The following CHRM2 variants were observed in gnomAD, a reference collection of about 807,000 sequenced individuals.
CHRM2 encodes the protein muscarinic acetylcholine receptor M2.
Under a neutral mutation model 25.0 loss-of-function variants are expected in CHRM2, and 8 were observed. The observed-to-expected ratio is 0.32, with a 90% confidence interval of 0.19 to 0.58. The LOEUF (loss-of-function observed/expected upper bound fraction) is 0.58. CHRM2 is among the 20% of genes least tolerant of loss of function. The pLI is 0.88. For synonymous variants in CHRM2, 202 were observed against 205.7 expected (o/e 0.98, Z 0.15); for missense variants, 440 against 567.1 (o/e 0.78, Z 2.28).
intron 2 of CHRM2, among the ~76,000 whole-genome samples, chr7:136,897,212 C>G (rs571303817): frequency 6.6e-6 from 1 of 151,144 alleles, no homozygotes; most frequent in South Asian, 2.1e-4. Flanking sequence ...GTACAGGTGT[C>G]ATGAGAGGGA....
chr7:137,014,256 CTGGCT>C (rs1464580584), intron 3 of CHRM2, among the ~76,000 whole-genome samples: 6 of 151,852 alleles, frequency 4.0e-5, no homozygotes, highest in African/African-American at 7.2e-5. Context: ...GGAGAGTATA[CTGGCT>C]ATTAAGTATT....
At chr7:136,889,075 T>TAAAAAA (rs1796592246) in intron 2 of CHRM2, among the ~76,000 whole-genome samples, 2 of 126,294 alleles carry the variant, frequency 1.6e-5, no homozygotes, top group Non-Finnish European at 1.7e-5. Flanking sequence ...AAAAAAAAAG[T>TAAAAAA]AATTACCATT....
intron 2 of CHRM2, among the ~76,000 whole-genome samples, chr7:136,897,469 A>G (rs1796967080): frequency 6.6e-6 from 1 of 152,132 alleles, no homozygotes; most frequent in Non-Finnish European, 1.5e-5. Context: ...TTTGGAAGGT[A>G]AAAGTCCCTA....
In CHRM2 at chr7:136,944,473, A is replaced by ATG. The variant is rs3068417; in HGVS notation, c.-124-47700_-124-47699dup. On this transcript the variant is annotated intron_variant, in intron 2 of 3. Transcript: ENST00000680005. ...TCATATTCCATATATGTATGTATGTATGTGTGTGTGTGTGTACATGTATAC... is the reference window on the plus strand; with the variant it reads ...TCATATTCCATATATGTATGTATGTATGTGTGTGTGTGTGTGTACATGTATAC... Among the ~76,000 whole-genome samples the ATG allele has an allele frequency of 7.3e-5, 11 of 151,440 alleles. 1 individual carries two copies. In the South Asian group the frequency reaches 1.3e-3, roughly 17 times the overall value.
chr7:136,877,601 A>G (rs934629382), intron 2 of CHRM2, among the ~76,000 whole-genome samples: 3 of 151,996 alleles, frequency 2.0e-5, no homozygotes, highest in Admixed American at 1.3e-4. Flanking sequence ...ACTCTAGTGG[A>G]GGAGTTAGAG....
chr7:136,973,925 T>G (rs2130942350), intron 2 of CHRM2, among the ~76,000 whole-genome samples: 1 of 152,280 alleles, frequency 6.6e-6, no homozygotes, highest in East Asian at 1.9e-4. Flanking sequence ...TAACAGCAAG[T>G]AATTTACAGA....
intron 2 of CHRM2, among the ~76,000 whole-genome samples, chr7:136,959,775 G>A (rs1800953659): frequency 6.6e-6 from 1 of 152,174 alleles, no homozygotes; most frequent in Non-Finnish European, 1.5e-5. Flanking sequence ...GCTGGGCCTG[G>A]TGGTGCATGC....
chr7:136,984,799 A>G (rs1238057909), intron 2 of CHRM2, among the ~76,000 whole-genome samples: 1 of 151,238 alleles, frequency 6.6e-6, no homozygotes, highest in Non-Finnish European at 1.5e-5. Flanking sequence ...ATCTCAATGA[A>G]ATGAATCTGG....
intron 2 of CHRM2, among the ~76,000 whole-genome samples, chr7:136,967,908 G>A (rs1369097637): frequency 1.3e-5 from 2 of 151,664 alleles, no homozygotes; most frequent in Non-Finnish European, 2.9e-5. Context: ...AGTACTGTTA[G>A]GTTTCTAGTT....
intron 2 of CHRM2, among the ~76,000 whole-genome samples, chr7:136,875,524 A>C (rs548371894): frequency 1.2e-3 from 188 of 151,794 alleles, no homozygotes; most frequent in African/African-American, 4.2e-3. Flanking sequence ...GACCTTTCGC[A>C]CCTCTCACAT....
intron 2 of CHRM2, chr7:136,899,630 A>C (rs1409413447): frequency 6.6e-6 from 1 of 152,084 alleles, no homozygotes; most frequent in Non-Finnish European, 1.5e-5. Flanking sequence ...TAGAAGATAC[A>C]GGAGGACTAT....
intron 2 of CHRM2, among the ~76,000 whole-genome samples, chr7:136,925,017 G>C (rs1372879198): frequency 6.6e-6 from 1 of 152,098 alleles, no homozygotes; most frequent in Non-Finnish European, 1.5e-5. Context: ...CTGAATACAA[G>C]GTATTGTGTG....
At chr7:136,924,991 A>G (rs1035307902) in intron 2 of CHRM2, among the ~76,000 whole-genome samples, 55 of 152,212 alleles carry the variant, frequency 3.6e-4, no homozygotes, top group African/African-American at 1.1e-3. Flanking sequence ...TTCAGAAAGC[A>G]CTTATCAAAT....
In CHRM2 at chr7:137,019,486, TC is replaced by T. The variant is rs1449520577; in HGVS notation, c.*3221del. On this transcript the variant is annotated 3_prime_UTR_variant, in exon 4 of 4. Coordinates refer to ENST00000680005, the MANE Select transcript of CHRM2 (RefSeq NM_001006630.2). ...TCTACTGGAGCTGCAATTTTTCCTTTCAAAAAATATTAAGAGCCTCTTTCAG... is the reference window on the plus strand; with the variant it reads ...TCTACTGGAGCTGCAATTTTTCCTTTAAAAAATATTAAGAGCCTCTTTCAG... 1 of 151,884 alleles carries T rather than the reference TC, an allele frequency of 6.6e-6. No homozygotes were observed. 9.4% of individuals were successfully genotyped at this position (151,884 alleles called of 1,614,324 possible).
intron 2 of CHRM2, among the ~76,000 whole-genome samples, chr7:136,924,463 T>C (rs577674804): frequency 1.3e-5 from 2 of 151,626 alleles, no homozygotes; most frequent in South Asian, 4.2e-4. Flanking sequence ...CATGCGTTGT[T>C]TGGTTTTTTG....
chr7:136,931,386 GAGCCCCA>G (rs1799095931), intron 2 of CHRM2, among the ~76,000 whole-genome samples: 3 of 152,090 alleles, frequency 2.0e-5, no homozygotes, highest in Non-Finnish European at 4.4e-5. Flanking sequence ...CTAAAGTGGC[GAGCCCCA>G]AGCCTCAAAG....
chr7:136,905,398 C>T (rs895765849), intron 2 of CHRM2, among the ~76,000 whole-genome samples: 1 of 151,562 alleles, frequency 6.6e-6, no homozygotes, highest in African/African-American at 2.4e-5. Flanking sequence ...AATAAATCTA[C>T]CTGATTTGTA....
At chr7:136,957,843 C>G (rs555858232) in intron 2 of CHRM2, among the ~76,000 whole-genome samples, 1 of 152,104 alleles carries the variant, frequency 6.6e-6, no homozygotes, top group Non-Finnish European at 1.5e-5. Context: ...TTATTGAAGC[C>G]ACATCTATAA....
At chr7:136,982,971 A>T (rs1802585447) in intron 2 of CHRM2, among the ~76,000 whole-genome samples, 1 of 152,066 alleles carries the variant, frequency 6.6e-6, no homozygotes, top group Non-Finnish European at 1.5e-5. Flanking sequence ...GTATTTTCTG[A>T]ATTTGAATGT....
Sources: gnomAD v4.1 joint callset for allele counts (sites outside exome capture counted in the v4.1 genomes callset) on GRCh38, gnomAD v4.1.1 for gene constraint, MANE v1.5 for transcripts, NCBI Gene and HGNC (gene_info 2026-07-23, HGNC 2026-07-21) for gene names.